The following ABCB5 variants were observed in gnomAD, a reference collection of about 807,000 sequenced individuals.
ABCB5 encodes ATP-binding cassette sub-family B member 5.
Under a neutral mutation model 144.2 loss-of-function variants are expected in ABCB5, and 155 were observed. The observed-to-expected ratio is 1.08, with a 90% CI of 0.94 to 1.23. The LOEUF is 1.23. Ranked by LOEUF, ABCB5 falls within the 50% of genes most tolerant of loss-of-function variation. The pLI is 0.00. For synonymous variants in ABCB5, 610 were observed against 528.6 expected, an observed-to-expected ratio of 1.15 and a Z score of -2.11; for missense variants, 1,830 against 1,520.8, an observed-to-expected ratio of 1.20 and a Z score of -3.38.
intron 14 of ABCB5, among the ~76,000 whole-genome samples, chr7:20,668,594 G>T (rs1785313522): frequency 6.9e-6 from 1 of 145,092 alleles, no homozygotes; most frequent in Admixed American, 6.7e-5. Context: ...GGGAGGTGGG[G>T]GGGGGGGTCA....
chr7:20,682,753 G>T (rs1785870270), intron 15 of ABCB5, among the ~76,000 whole-genome samples: 1 of 152,164 alleles, frequency 6.6e-6, no homozygotes. Context: ...ACCTTACTAT[G>T]TGCATGCTAC....
At chr7:20,731,615 G>T (rs1011194429) in intron 23 of ABCB5, among the ~76,000 whole-genome samples, 1 of 151,958 alleles carries the variant, frequency 6.6e-6, no homozygotes, top group African/African-American at 2.4e-5. Context: ...CCACTTGGAG[G>T]ACTAATATCT....
rs1376846873 is a variant in ABCB5 at position 20,695,823 on chromosome 7, C to T, written c.2011-2584C>T. 2.6e-5 allele frequency among the ~76,000 whole-genome samples: 4 copies of T among 151,720 alleles called. No homozygotes were observed. In the East Asian group the frequency reaches 7.7e-4, roughly 29 times the overall value. On this transcript the variant is annotated intron_variant, in intron 16 of 27. Coordinates refer to ENST00000404938, the MANE Select transcript of ABCB5 (RefSeq NM_001163941.2). Reference sequence around the variant, plus strand: ...AATAAGCACACAAAAAGATGCCCAACGTGGTTAGTCATTTCAGAAATGCAA... The same window carrying T: ...AATAAGCACACAAAAAGATGCCCAATGTGGTTAGTCATTTCAGAAATGCAA...
At chr7:20,637,361 C>G (rs77726188) in intron 5 of ABCB5, among the ~76,000 whole-genome samples, 8,522 of 151,986 alleles carry the variant, frequency 0.056, 336 homozygotes, top group South Asian at 0.14. Context: ...TAAATAGTGC[C>G]AGGACTACTG....
intron 16 of ABCB5, among the ~76,000 whole-genome samples, chr7:20,686,458 C>G (rs1313048555): frequency 2.0e-5 from 3 of 152,162 alleles, no homozygotes; most frequent in Non-Finnish European, 4.4e-5. Flanking sequence ...TTCCACTTTC[C>G]TTCTCTTAAC....
chr7:20,743,865 G>A (rs748247878), intron 25 of ABCB5, among the ~76,000 whole-genome samples: 6 of 151,972 alleles, frequency 3.9e-5, no homozygotes, highest in Non-Finnish European at 7.4e-5. Context: ...CTTGAACTAT[G>A]AGACACTCAT....
intron 13 of ABCB5, among the ~76,000 whole-genome samples, chr7:20,657,441 A>T (rs1562543439): frequency 6.6e-6 from 1 of 152,256 alleles, no homozygotes; most frequent in East Asian, 1.9e-4. Context: ...ACTACTTAGC[A>T]ATAAATAGGA....
chr7:20,660,393 T>C, intron 14 of ABCB5: 1 of 985,568 alleles, frequency 1.0e-6, no homozygotes, highest in Non-Finnish European at 1.2e-6. Flanking sequence ...AATGTAGAAA[T>C]AGGTGTGAAA....
chr7:20,656,076 T>C (rs1381383466), intron 13 of ABCB5, among the ~76,000 whole-genome samples: 1 of 147,754 alleles, frequency 6.8e-6, no homozygotes, highest in Non-Finnish European at 1.5e-5. Context: ...CTGGAACAAA[T>C]GGTTATCCTT....
At chr7:20,745,475 C>A (rs1782691180) in intron 26 of ABCB5, 37 bp downstream of exon 26, 1 of 1,600,718 alleles carries the variant, frequency 6.2e-7, no homozygotes, top group Non-Finnish European at 8.5e-7. Context: ...TATAAAGCTG[C>A]CAAGTAAGGC....
intron 20 of ABCB5, among the ~76,000 whole-genome samples, chr7:20,711,790 T>TTCTCTCCCTCTCTCTC (rs1334192971): frequency 2.2e-5 from 1 of 46,044 alleles, no homozygotes. Context: ...CTTTCTTTCT[T>TTCTCTCCCTCTCTCTC]TCTTTCTTTC....
intron 17 of ABCB5, 49 bp from the exon 18 acceptor site, chr7:20,699,776 T>G: frequency 7.7e-7 from 1 of 1,295,756 alleles, no homozygotes; most frequent in Non-Finnish European, 1.1e-6. Flanking sequence ...TTTTTCTGTT[T>G]CTTTTATATT....
intron 14 of ABCB5, among the ~76,000 whole-genome samples, chr7:20,680,768 T>C (rs867599383): frequency 6.6e-6 from 1 of 152,130 alleles, no homozygotes; most frequent in Non-Finnish European, 1.5e-5. Context: ...ATATTACTTT[T>C]AATTTGTACC....
At chr7:20,651,645 T>C (rs377608681) in intron 13 of ABCB5, 22 bp downstream of exon 13, 1 of 1,611,524 alleles carries the variant, frequency 6.2e-7, no homozygotes, top group Non-Finnish European at 8.5e-7. Flanking sequence ...GTGCAGCCTG[T>C]GTCCTTAGCT....
intron 13 of ABCB5, among the ~76,000 whole-genome samples, chr7:20,657,156 A>AC (rs1266551157): frequency 6.6e-6 from 1 of 151,886 alleles, no homozygotes; most frequent in East Asian, 1.9e-4. Flanking sequence ...CAATCCACCC[A>AC]CCACAACCTC....
intron 5 of ABCB5, among the ~76,000 whole-genome samples, chr7:20,632,785 C>T (rs570775503): frequency 1.3e-4 from 20 of 150,096 alleles, no homozygotes; most frequent in African/African-American, 4.4e-4. Flanking sequence ...ACCGCATATT[C>T]TCACTCATAG....
At chr7:20,753,219 A>G in intron 26 of ABCB5, 141 bp from the exon 27 acceptor site, 6 of 1,033,538 alleles carry the variant, frequency 5.8e-6, no homozygotes, top group Non-Finnish European at 8.3e-6. Context: ...AACAAAGCCC[A>G]AGAATAGATT....
chr7:20,677,041 T>C (rs1471406021), intron 14 of ABCB5, among the ~76,000 whole-genome samples: 9 of 152,240 alleles, frequency 5.9e-5, no homozygotes, highest in Admixed American at 3.3e-4. Context: ...TTAATTATTA[T>C]AGTTACATCC....
intron 20 of ABCB5, among the ~76,000 whole-genome samples, chr7:20,714,633 G>A (rs987078472): frequency 2.0e-5 from 3 of 152,034 alleles, no homozygotes; most frequent in African/African-American, 4.8e-5. Context: ...CGCACTGACT[G>A]AACATTTCAA....
Sources: allele counts gnomAD v4.1 joint callset (sites outside exome capture counted in the v4.1 genomes callset), GRCh38; gene constraint gnomAD v4.1.1; transcripts MANE v1.5; gene names NCBI Gene and HGNC (gene_info 2026-07-23, HGNC 2026-07-21).